The following MAPKAP1 variants were observed in gnomAD, a reference collection of about 807,000 sequenced individuals.
MAPKAP1 encodes the protein target of rapamycin complex 2 subunit MAPKAP1.
MAPKAP1 carries 20 observed loss-of-function variants against 65.7 expected under a neutral mutation model. That is an observed-to-expected ratio of 0.30 (90% CI 0.21 to 0.44). MAPKAP1 has a LOEUF of 0.44. MAPKAP1 is among the 20% of genes least tolerant of loss of function. The pLI is 1.00. For synonymous variants in MAPKAP1, 222 were observed against 244.3 expected (o/e 0.91, Z 0.85); for missense variants, 423 against 648.0 (o/e 0.65, Z 3.77).
At chr9:125,527,249 G>A (rs969791822) in intron 7 of MAPKAP1, among the ~76,000 whole-genome samples, 16 of 152,084 alleles carry the variant, frequency 1.1e-4, no homozygotes, top group African/African-American at 3.9e-4. Flanking sequence ...TGTATTTTTA[G>A]TAGAGATGGA....
intron 10 of MAPKAP1, among the ~76,000 whole-genome samples, chr9:125,454,012 CAT>C (rs1007811376): frequency 6.6e-6 from 1 of 152,152 alleles, no homozygotes; most frequent in Non-Finnish European, 1.5e-5. Context: ...TTTGAATAAC[CAT>C]AGTTTGTCAG....
chr9:125,452,653 C>G (rs55649331), intron 10 of MAPKAP1, among the ~76,000 whole-genome samples: 11,170 of 151,988 alleles, frequency 0.073, 969 homozygotes, highest in East Asian at 0.21. Context: ...TGGTGGCTCA[C>G]GCCTGTAATC....
At chr9:125,650,132 C>T (rs555981278) in intron 4 of MAPKAP1, among the ~76,000 whole-genome samples, 5 of 152,200 alleles carry the variant, frequency 3.3e-5, no homozygotes, top group Non-Finnish European at 5.9e-5. Context: ...TTCATTCACT[C>T]CATCTTCATT....
intron 4 of MAPKAP1, among the ~76,000 whole-genome samples, chr9:125,638,199 G>A (rs544542787): frequency 2.6e-5 from 4 of 152,194 alleles, no homozygotes; most frequent in Non-Finnish European, 5.9e-5. Flanking sequence ...GGCAGTGGGA[G>A]TATTTAATCT....
chr9:125,699,128 A>T (rs1363546654), intron 1 of MAPKAP1, among the ~76,000 whole-genome samples: 1 of 152,160 alleles, frequency 6.6e-6, no homozygotes, highest in Non-Finnish European at 1.5e-5. Flanking sequence ...TATCCTGGGG[A>T]TAAGACACAA....
At chr9:125,502,351 T>C (rs1019795661) in intron 8 of MAPKAP1, among the ~76,000 whole-genome samples, 1 of 152,164 alleles carries the variant, frequency 6.6e-6, no homozygotes, top group Non-Finnish European at 1.5e-5. Context: ...ATCCACCGGC[T>C]CGGCCTCCCA....
chr9:125,610,772 G>T (rs528597226), intron 4 of MAPKAP1, among the ~76,000 whole-genome samples: 1 of 152,288 alleles, frequency 6.6e-6, no homozygotes, highest in East Asian at 1.9e-4. Flanking sequence ...TTTAAGCCAA[G>T]AATTTAAAGT....
intron 4 of MAPKAP1, among the ~76,000 whole-genome samples, chr9:125,629,341 T>C (rs1159968541): frequency 6.6e-6 from 1 of 152,156 alleles, no homozygotes; most frequent in African/African-American, 2.4e-5. Flanking sequence ...AGCCAAGAAG[T>C]GAAAACCTAA....
At chr9:125,473,262 G>T (rs1276755321) in intron 9 of MAPKAP1, among the ~76,000 whole-genome samples, 1 of 152,014 alleles carries the variant, frequency 6.6e-6, no homozygotes, top group African/African-American at 2.4e-5. Context: ...AAAAGAGCAC[G>T]GGGGCTGGCC....
intron 10 of MAPKAP1, among the ~76,000 whole-genome samples, chr9:125,465,794 T>C (rs138810866): frequency 0.012 from 1,761 of 152,236 alleles, 17 homozygotes; most frequent in South Asian, 0.042. Flanking sequence ...ATGTGCAAAC[T>C]CCTGGGGGGC....
intron 8 of MAPKAP1, among the ~76,000 whole-genome samples, chr9:125,488,353 G>C (rs11790051): frequency 0.17 from 25,670 of 151,980 alleles, 2,664 homozygotes; most frequent in East Asian, 0.25. Context: ...TGGAGTTCCA[G>C]TGTCATTTCT....
chr9:125,459,273 C>T (rs1342334267), intron 10 of MAPKAP1, among the ~76,000 whole-genome samples: 248 of 150,478 alleles, frequency 1.6e-3, no homozygotes, highest in African/African-American at 5.5e-3. Context: ...CGGGAAGAGG[C>T]GCTCCTCACT....
intron 9 of MAPKAP1, among the ~76,000 whole-genome samples, chr9:125,468,563 C>T (rs1441572989): frequency 6.6e-6 from 1 of 152,222 alleles, no homozygotes; most frequent in Non-Finnish European, 1.5e-5. Flanking sequence ...TATGTTTAAA[C>T]AGCTAAGCTA....
At chr9:125,683,828 T>TAACC (rs2131829051) in intron 1 of MAPKAP1, among the ~76,000 whole-genome samples, 1 of 152,336 alleles carries the variant, frequency 6.6e-6, no homozygotes, top group African/African-American at 2.4e-5. Flanking sequence ...AATAAGCCTA[T>TAACC]AACCCTTCAC....
intron 7 of MAPKAP1, among the ~76,000 whole-genome samples, chr9:125,526,759 T>C (rs973839547): frequency 1.3e-5 from 2 of 151,794 alleles, no homozygotes; most frequent in Non-Finnish European, 2.9e-5. Context: ...CAAAGTAGCA[T>C]ATATATAGTT....
intron 4 of MAPKAP1, among the ~76,000 whole-genome samples, chr9:125,645,170 G>A (rs2131721998): frequency 6.6e-6 from 1 of 152,316 alleles, no homozygotes; most frequent in South Asian, 2.1e-4. Context: ...AGGGGGACCT[G>A]AAGAGCAGGC....
intron 6 of MAPKAP1, among the ~76,000 whole-genome samples, chr9:125,557,579 T>C (rs916786428): frequency 3.3e-5 from 5 of 152,088 alleles, no homozygotes; most frequent in Non-Finnish European, 7.3e-5. Flanking sequence ...TTACAAGGCA[T>C]GATCCTAAGG....
At chr9:125,699,329 C>G (rs952955645) in intron 1 of MAPKAP1, among the ~76,000 whole-genome samples, 2 of 152,090 alleles carry the variant, frequency 1.3e-5, no homozygotes, top group African/African-American at 4.8e-5. Flanking sequence ...CTGCCTCGGC[C>G]TCCCAAGTAG....
chr9:125,704,422 C>T (rs1835697815), intron 1 of MAPKAP1, among the ~76,000 whole-genome samples: 1 of 152,248 alleles, frequency 6.6e-6, no homozygotes, highest in Non-Finnish European at 1.5e-5. Flanking sequence ...TATGGTACCT[C>T]CTGGGGACTT....
Sources: allele counts gnomAD v4.1 joint callset (sites outside exome capture counted in the v4.1 genomes callset), GRCh38; gene constraint gnomAD v4.1.1; transcripts MANE v1.5; gene names NCBI Gene and HGNC (gene_info 2026-07-23, HGNC 2026-07-21).